Variants in KHDRBS2 observed in about 807,000 individuals in gnomAD.
KHDRBS2 encodes the protein KH RNA binding domain containing, signal transduction associated 2, also known as KH domain-containing, RNA-binding, signal transduction-associated protein 2.
KHDRBS2 carries 26 observed loss-of-function variants against 44.3 expected under a neutral mutation model. The ratio of observed to expected loss-of-function variants is 0.59; its 90% CI spans 0.43 to 0.81. The LOEUF (loss-of-function observed/expected upper bound fraction) is 0.81. Ranked by LOEUF, KHDRBS2 falls within the 40% of genes least tolerant of loss-of-function variation. The probability of loss-of-function intolerance (pLI) is 0.00; values close to 1 mark genes in which losing one functional copy is unlikely to be tolerated. For missense variants in KHDRBS2, 476 were observed against 433.1 expected (o/e 1.10, Z -0.88); for synonymous variants, 194 against 151.1 (o/e 1.28, Z -2.08).
chr6:62,102,422 C>A (rs567814997), intron 2 of KHDRBS2, among the ~76,000 whole-genome samples: 54 of 152,280 alleles, frequency 3.5e-4, no homozygotes, highest in Admixed American at 3.5e-3. Flanking sequence ...ACCTCAGAGA[C>A]ACCAGGGATT....
chr6:61,755,765 A>T (rs905284680), intron 6 of KHDRBS2, among the ~76,000 whole-genome samples: 15 of 149,270 alleles, frequency 1.0e-4, no homozygotes, highest in Non-Finnish European at 2.1e-4. Context: ...AGGCCATTGC[A>T]CTCCAGCCTG....
At chr6:61,797,584 T>C (rs2127588039) in intron 6 of KHDRBS2, among the ~76,000 whole-genome samples, 1 of 152,186 alleles carries the variant, frequency 6.6e-6, no homozygotes, top group African/African-American at 2.4e-5. Context: ...TGTCAGAGCC[T>C]CCCTGGGAAA....
At chr6:61,965,181 G>T (rs972819306) in intron 4 of KHDRBS2, among the ~76,000 whole-genome samples, 1 of 152,034 alleles carries the variant, frequency 6.6e-6, no homozygotes, top group South Asian at 2.1e-4. Context: ...CTCTGGGAGG[G>T]CTTATGGTTT....
chr6:62,172,085 C>T (rs1820125435), intron 2 of KHDRBS2, among the ~76,000 whole-genome samples: 1 of 152,006 alleles, frequency 6.6e-6, no homozygotes, highest in Admixed American at 6.6e-5. Context: ...CCAAACTAAC[C>T]TTGAATATAA....
chr6:61,688,600 T>A (rs1252702889), intron 8 of KHDRBS2, among the ~76,000 whole-genome samples: 4 of 151,926 alleles, frequency 2.6e-5, no homozygotes, highest in Non-Finnish European at 5.9e-5. Flanking sequence ...CTGATTGTCT[T>A]ACTCCCCCTA....
At chr6:61,958,525 C>G (rs945330705) in intron 4 of KHDRBS2, among the ~76,000 whole-genome samples, 2 of 152,068 alleles carry the variant, frequency 1.3e-5, no homozygotes, top group African/African-American at 4.8e-5. Context: ...TAATAATTTT[C>G]CTCTCACCAA....
intron 2 of KHDRBS2, among the ~76,000 whole-genome samples, chr6:62,066,919 C>A (rs759202511): frequency 1.7e-4 from 26 of 151,562 alleles, no homozygotes; most frequent in Non-Finnish European, 3.1e-4. Flanking sequence ...GCATACCATA[C>A]AGATAGTTCT....
chr6:61,738,419 T>C (rs1775698680), intron 6 of KHDRBS2, among the ~76,000 whole-genome samples: 1 of 152,034 alleles, frequency 6.6e-6, no homozygotes, highest in Non-Finnish European at 1.5e-5. Context: ...ATAAATTCTT[T>C]AGTTTTCTAT....
chr6:61,829,770 A>T (rs1324532186), intron 6 of KHDRBS2, among the ~76,000 whole-genome samples: 1 of 152,158 alleles, frequency 6.6e-6, no homozygotes, highest in Non-Finnish European at 1.5e-5. Context: ...CATACATAGT[A>T]TAAATCTTTG....
At chr6:61,663,648 C>A in the KHDRBS2 span, among the ~76,000 whole-genome samples, 3 of 149,142 alleles carry the variant, frequency 2.0e-5, no homozygotes, top group Non-Finnish European at 3.0e-5. Context: ...CTTAATGGCA[C>A]GTGTATCATA....
At chr6:62,176,547 T>G (rs2066379676) in intron 2 of KHDRBS2, among the ~76,000 whole-genome samples, 1 of 151,418 alleles carries the variant, frequency 6.6e-6, no homozygotes, top group South Asian at 2.1e-4. Context: ...TTCATTCATT[T>G]GACCAAAAAA....
chr6:61,953,444 C>T (rs1765192413), intron 4 of KHDRBS2, among the ~76,000 whole-genome samples: 1 of 151,946 alleles, frequency 6.6e-6, no homozygotes, highest in African/African-American at 2.4e-5. Context: ...GATATACATG[C>T]TGACTCAGAA....
At chr6:61,990,772 C>T (rs572893402) in intron 3 of KHDRBS2, among the ~76,000 whole-genome samples, 11 of 151,268 alleles carry the variant, frequency 7.3e-5, no homozygotes, top group Admixed American at 2.0e-4. Flanking sequence ...TGCAGTGGTG[C>T]GATCTCGGCT....
intron 6 of KHDRBS2, among the ~76,000 whole-genome samples, chr6:61,824,570 A>C (rs976574179): frequency 2.0e-5 from 3 of 152,136 alleles, no homozygotes; most frequent in Admixed American, 6.6e-5. Flanking sequence ...CTAAGACATC[A>C]ACATCTGTTG....
intron 2 of KHDRBS2, among the ~76,000 whole-genome samples, chr6:62,061,025 G>C (rs1369107621): frequency 6.6e-6 from 1 of 151,750 alleles, no homozygotes; most frequent in African/African-American, 2.4e-5. Context: ...CCATTTGCTT[G>C]GTAGATCTTC....
intron 6 of KHDRBS2, among the ~76,000 whole-genome samples, chr6:61,739,598 T>C (rs1431699790): frequency 6.6e-6 from 1 of 151,964 alleles, no homozygotes; most frequent in Non-Finnish European, 1.5e-5. Flanking sequence ...GCTATAGGTA[T>C]AACTAACTTT....
intron 4 of KHDRBS2, among the ~76,000 whole-genome samples, chr6:61,933,668 T>C (rs1810498207): frequency 6.6e-6 from 1 of 152,140 alleles, no homozygotes; most frequent in Non-Finnish European, 1.5e-5. Flanking sequence ...TTGAAAACGG[T>C]AGGCAACTGC....
At chr6:61,795,008 G>A (rs907719261) in intron 6 of KHDRBS2, among the ~76,000 whole-genome samples, 3 of 151,712 alleles carry the variant, frequency 2.0e-5, no homozygotes, top group Middle Eastern at 3.4e-3. Context: ...GCATGGTGGT[G>A]GATACCTGTA....
intron 4 of KHDRBS2, among the ~76,000 whole-genome samples, chr6:61,932,538 C>T (rs1397440619): frequency 1.5e-4 from 23 of 152,146 alleles, no homozygotes; most frequent in Admixed American, 1.4e-3. Flanking sequence ...CGGTGCCTCA[C>T]GCCTGTAATC....
Sources: allele counts gnomAD v4.1 joint callset (sites outside exome capture counted in the v4.1 genomes callset), GRCh38; gene constraint gnomAD v4.1.1; transcripts MANE v1.5; gene names NCBI Gene and HGNC (gene_info 2026-07-23, HGNC 2026-07-21).